SNRK: variants seen among roughly 807,000 people sequenced by gnomAD.
SNRK encodes SNF-related serine/threonine-protein kinase.
A neutral mutation model predicts 48.2 loss-of-function variants in SNRK; 3 were observed. The ratio of observed to expected loss-of-function variants is 0.06; its 90% CI spans 0.03 to 0.16. The LOEUF is 0.16. SNRK is among the 10% of genes least tolerant of loss of function. SNRK has a pLI of 1.00. For missense variants in SNRK, 627 were observed against 976.0 expected (o/e 0.64, Z 4.76); for synonymous variants, 376 against 366.1 (o/e 1.03, Z -0.31).
At chr3:43,295,727 G>A (rs1431299379) in intron 1 of SNRK, among the ~76,000 whole-genome samples, 2 of 152,048 alleles carry the variant, frequency 1.3e-5, no homozygotes, top group East Asian at 1.9e-4. Flanking sequence ...TCCTTAAAAA[G>A]TGAAATATTG....
intron 3 of SNRK, among the ~76,000 whole-genome samples, chr3:43,314,281 A>G (rs932350568): frequency 6.6e-6 from 1 of 152,180 alleles, no homozygotes; most frequent in Non-Finnish European, 1.5e-5. Flanking sequence ...ATCTTTATTT[A>G]TTTGGCTTAA....
intron 1 of SNRK, among the ~76,000 whole-genome samples, chr3:43,293,964 A>G (rs1487236557): frequency 6.6e-6 from 1 of 152,158 alleles, no homozygotes; most frequent in Non-Finnish European, 1.5e-5. Flanking sequence ...AGTTTGGTAT[A>G]TACAATTTTT....
At chr3:43,307,014 A>G (rs899625779) in intron 3 of SNRK, among the ~76,000 whole-genome samples, 1 of 152,128 alleles carries the variant, frequency 6.6e-6, no homozygotes, top group Non-Finnish European at 1.5e-5. Flanking sequence ...AAATATTTGT[A>G]TACTTGGAGT....
At chr3:43,314,188 T>G (rs1432888689) in intron 3 of SNRK, among the ~76,000 whole-genome samples, 3 of 152,240 alleles carry the variant, frequency 2.0e-5, no homozygotes, top group Admixed American at 1.3e-4. Flanking sequence ...GCACTGATTC[T>G]TAACTTTTTC....
At chr3:43,339,598 A>G (rs1301231845) in intron 4 of SNRK, among the ~76,000 whole-genome samples, 3 of 151,666 alleles carry the variant, frequency 2.0e-5, no homozygotes, top group Non-Finnish European at 4.4e-5. Context: ...CGGGCGAATC[A>G]CTAGGTCAGG....
chr3:43,329,829 A>C (rs1156436463), intron 3 of SNRK, among the ~76,000 whole-genome samples: 1 of 152,180 alleles, frequency 6.6e-6, no homozygotes, highest in African/African-American at 2.4e-5. Context: ...GTTGTTTGTG[A>C]GGCTAATCTT....
Position 43,347,457 on chromosome 3 carries a change from A to C in SNRK, c.1198A>C (p.Asn400His). The change falls in exon 7 of 7, where the codon AAT (asparagine) becomes CAT (histidine). Residue 400 changes from asparagine to histidine, a missense_variant. Transcript: ENST00000296088. This position sits in a 1 kb window ranked among gnomAD's most constrained non-coding sequence, Gnocchi z 5.4. ...TGCTCGGGCTGCTGACAGTGTCCTC[A>C]ATGGCCACAGGAGCAAAGGCCTGTG... ...SPARAADSVL[N>H]GHRSKGLCDS... 1 of 1,613,974 alleles carries C rather than the reference A, an allele frequency of 6.2e-7. No individual in the cohort carries two copies. The highest frequency in any genetic ancestry group is 8.5e-7 in the Non-Finnish European group (1 of 1,179,986).
At chr3:43,344,451 GAAT>G (rs574026364) in intron 6 of SNRK, among the ~76,000 whole-genome samples, 248 of 152,216 alleles carry the variant, frequency 1.6e-3, no homozygotes, top group African/African-American at 5.7e-3. Context: ...ATATTATTGT[GAAT>G]AATAATATTA....
chr3:43,290,910 G>A (rs781645480), intron 1 of SNRK, among the ~76,000 whole-genome samples: 1 of 152,080 alleles, frequency 6.6e-6, no homozygotes, highest in Non-Finnish European at 1.5e-5. Flanking sequence ...GTTTAGTGGG[G>A]GACACAGATT....
chr3:43,319,950 A>G (rs1359428509), intron 3 of SNRK, among the ~76,000 whole-genome samples: 1 of 152,216 alleles, frequency 6.6e-6, no homozygotes, highest in Non-Finnish European at 1.5e-5. Flanking sequence ...ATTGAACACT[A>G]TGAAGCCCTT....
chr3:43,343,224 A>G, intron 5 of SNRK, 120 bp from the exon 6 acceptor site: 4 of 1,313,094 alleles, frequency 3.0e-6, no homozygotes, highest in African/African-American at 1.5e-5. Context: ...CATTTTTTGC[A>G]TAATTTTAAA....
At chr3:43,297,078 A>C (rs1465469341) in intron 1 of SNRK, among the ~76,000 whole-genome samples, 1 of 152,238 alleles carries the variant, frequency 6.6e-6, no homozygotes, top group Non-Finnish European at 1.5e-5. Flanking sequence ...AGAATGGCCT[A>C]TCTAGTGGTT....
In SNRK at chr3:43,350,965, A is replaced by G. The variant is rs1423838203; in HGVS notation, c.*2408A>G. 6.6e-6 allele frequency: 1 copy of G among 152,654 alleles called. No individual in the cohort carries two copies. The highest frequency in any genetic ancestry group is 1.5e-5 in the Non-Finnish European group (1 of 68,048). 9.5% of individuals were successfully genotyped at this position (152,654 alleles called of 1,614,324 possible). A position where few individuals can be genotyped will look rare whatever the true frequency, so the allele number is the denominator to read the frequency against. ...GAATAGCTGTGAGACCGAATTAAAG[A>G]TAATCCCTACCAAGTGAAAATTGAT... On this transcript the variant is annotated 3_prime_UTR_variant, in exon 7 of 7. Transcript: ENST00000296088.
intron 4 of SNRK, among the ~76,000 whole-genome samples, chr3:43,338,338 T>C (rs982902304): frequency 2.6e-5 from 4 of 152,236 alleles, no homozygotes; most frequent in African/African-American, 9.6e-5. Flanking sequence ...TCCTAAAAGA[T>C]GGTTTCATTG....
Position 43,303,158 on chromosome 3 carries a change from G to A in SNRK, c.-46G>A. 1 of 1,361,734 alleles carries A rather than the reference G, an allele frequency of 7.3e-7. No homozygotes were observed. Among genetic ancestry groups the A allele is most frequent in the Non-Finnish European group, 1.0e-6 (1 of 979,698 alleles). The allele number at this position is 1,361,734 out of a possible 1,614,324, so 84.4% of individuals were successfully genotyped here. On this transcript the variant is annotated 5_prime_UTR_variant, in exon 3 of 7. Transcript: ENST00000296088. The surrounding 1 kb of genome is among the most constrained non-coding windows in gnomAD (Gnocchi z 6.2). The stretch of plus-strand genomic sequence containing the variant: ...TTCACCAGATATTCTTATATGAGAA[G>A]ATCTATTTTAAACAGTCTAAATATT...
At chr3:43,335,066 A>G (rs976452435) in intron 4 of SNRK, among the ~76,000 whole-genome samples, 11 of 152,138 alleles carry the variant, frequency 7.2e-5, no homozygotes, top group Non-Finnish European at 1.6e-4. Flanking sequence ...TTTATTAACA[A>G]TTATAATTTT....
At chr3:43,307,938 C>A (rs1025153281) in intron 3 of SNRK, among the ~76,000 whole-genome samples, 9 of 152,130 alleles carry the variant, frequency 5.9e-5, no homozygotes, top group African/African-American at 2.2e-4. Flanking sequence ...AAGAAAAGTT[C>A]TTGAAGGAAA....
chr3:43,337,397 T>C (rs2091199765), intron 4 of SNRK, among the ~76,000 whole-genome samples: 1 of 152,034 alleles, frequency 6.6e-6, no homozygotes, highest in Non-Finnish European at 1.5e-5. Context: ...ATACTTAATT[T>C]AACAAAATTT....
chr3:43,305,571 C>T (rs1464243983), intron 3 of SNRK, among the ~76,000 whole-genome samples: 1 of 151,316 alleles, frequency 6.6e-6, no homozygotes, highest in Non-Finnish European at 1.5e-5. Flanking sequence ...CAAGCTCTGC[C>T]TCCTGGGTTC....
Sources: gnomAD v4.1 joint callset for allele counts (sites outside exome capture counted in the v4.1 genomes callset) on GRCh38, gnomAD v4.1.1 for gene constraint, Gnocchi (gnomAD v3.1) non-coding constraint, MANE v1.5 for transcripts, NCBI Gene and HGNC (gene_info 2026-07-23, HGNC 2026-07-21) for gene names.